The following PAK5 variants were observed in gnomAD, a reference collection of about 807,000 sequenced individuals.
PAK5 encodes the protein serine/threonine-protein kinase PAK 5.
A neutral mutation model predicts 65.9 loss-of-function variants in PAK5; 16 were observed. That is an observed-to-expected ratio of 0.24 (90% confidence interval 0.16 to 0.37). PAK5 has a LOEUF of 0.37. PAK5 is among the 10% of genes least tolerant of loss of function. The probability of loss-of-function intolerance (pLI) is 1.00; values close to 1 mark genes in which losing one functional copy is unlikely to be tolerated. For synonymous variants in PAK5, 371 were observed against 354.9 expected (o/e 1.05, Z -0.51); for missense variants, 785 against 903.9 (o/e 0.87, Z 1.69).
intron 7 of PAK5, among the ~76,000 whole-genome samples, chr20:9,552,005 A>G (rs1368866669): frequency 6.6e-6 from 1 of 152,210 alleles, no homozygotes; most frequent in Non-Finnish European, 1.5e-5. Context: ...AGATCTGGGC[A>G]GGGCACCAAC....
At chr20:9,569,571 G>T (rs1035086822) in intron 4 of PAK5, among the ~76,000 whole-genome samples, 1 of 152,132 alleles carries the variant, frequency 6.6e-6, no homozygotes, top group Non-Finnish European at 1.5e-5. Context: ...AGAAGGAAGG[G>T]CTAATGAATC....
chr20:9,837,206 C>T (rs1006974627), intron 1 of PAK5, among the ~76,000 whole-genome samples: 11 of 152,212 alleles, frequency 7.2e-5, no homozygotes, highest in African/African-American at 1.2e-4. Flanking sequence ...ATATTGCTTC[C>T]ATTTAGCAGT....
intron 2 of PAK5, among the ~76,000 whole-genome samples, chr20:9,659,187 A>G (rs2047310593): frequency 6.6e-6 from 1 of 152,206 alleles, no homozygotes; most frequent in Non-Finnish European, 1.5e-5. Flanking sequence ...TCTTCCATAA[A>G]TCATAACTGG....
intron 1 of PAK5, among the ~76,000 whole-genome samples, chr20:9,744,245 G>A (rs370665818): frequency 3.3e-5 from 5 of 152,178 alleles, no homozygotes; most frequent in African/African-American, 1.2e-4. Flanking sequence ...GAGGTAATTG[G>A]TTACAGTGGT....
At chr20:9,685,577 G>A (rs1052360225) in intron 2 of PAK5, among the ~76,000 whole-genome samples, 5 of 152,152 alleles carry the variant, frequency 3.3e-5, no homozygotes, top group African/African-American at 7.2e-5. Flanking sequence ...CAACCTTGCT[G>A]ACACCTTGAT....
At chr20:9,602,328 AAATAAAT>A (rs2046376118) in intron 3 of PAK5, among the ~76,000 whole-genome samples, 1 of 145,328 alleles carries the variant, frequency 6.9e-6, no homozygotes, top group Non-Finnish European at 1.5e-5. Flanking sequence ...ATAAATAAAT[AAATAAAT>A]AAATAAAATA....
chr20:9,673,388 C>T (rs1412201510), intron 2 of PAK5, among the ~76,000 whole-genome samples: 1 of 152,134 alleles, frequency 6.6e-6, no homozygotes, highest in Non-Finnish European at 1.5e-5. Flanking sequence ...GGACATGTGT[C>T]AGTATCTGTC....
intron 1 of PAK5, among the ~76,000 whole-genome samples, chr20:9,800,506 T>A (rs953428762): frequency 7.2e-5 from 11 of 152,138 alleles, no homozygotes; most frequent in Admixed American, 4.6e-4. Context: ...TAGTTCTCAA[T>A]ATTCTTACAG....
At chr20:9,624,322 C>T (rs2046812387) in intron 3 of PAK5, among the ~76,000 whole-genome samples, 3 of 152,108 alleles carry the variant, frequency 2.0e-5, no homozygotes, top group Admixed American at 2.0e-4. Context: ...CTCAGTTTCA[C>T]ATCTCAGCAA....
intron 2 of PAK5, among the ~76,000 whole-genome samples, chr20:9,694,851 G>A (rs1374498662): frequency 6.6e-6 from 1 of 151,992 alleles, no homozygotes; most frequent in Non-Finnish European, 1.5e-5. Context: ...AATGCTGCCT[G>A]AATGTTCAAG....
intron 3 of PAK5, among the ~76,000 whole-genome samples, chr20:9,606,177 T>C (rs1282600597): frequency 6.6e-6 from 1 of 152,166 alleles, no homozygotes; most frequent in Non-Finnish European, 1.5e-5. Flanking sequence ...ATTCTCATGA[T>C]AATGAGTGAG....
chr20:9,573,894 C>T (rs2045838200), intron 4 of PAK5, among the ~76,000 whole-genome samples: 1 of 152,070 alleles, frequency 6.6e-6, no homozygotes, highest in Non-Finnish European at 1.5e-5. Context: ...CTTTTCAGAG[C>T]ACAATAAAAC....
chr20:9,834,593 C>A (rs1214464760), intron 1 of PAK5, among the ~76,000 whole-genome samples: 1 of 151,972 alleles, frequency 6.6e-6, no homozygotes, highest in Non-Finnish European at 1.5e-5. Flanking sequence ...CCCAGATAAG[C>A]ACACATTTCC....
intron 3 of PAK5, among the ~76,000 whole-genome samples, chr20:9,641,689 T>G (rs2123265944): frequency 6.6e-6 from 1 of 151,792 alleles, no homozygotes; most frequent in South Asian, 2.1e-4. Flanking sequence ...ATGGAGTGGG[T>G]GGGAGGCTCA....
At chr20:9,600,381 A>G (rs1449537744) in intron 3 of PAK5, among the ~76,000 whole-genome samples, 1 of 152,190 alleles carries the variant, frequency 6.6e-6, no homozygotes. Context: ...TATTTCTGTA[A>G]AAAACACTGT....
intron 9 of PAK5, 27 bp downstream of exon 9, chr20:9,542,559 A>G (rs2045282404): frequency 6.2e-7 from 1 of 1,613,482 alleles, no homozygotes; most frequent in African/African-American, 1.3e-5. Context: ...ACTATTCTGA[A>G]CTTTAGCAAC....
Position 9,699,170 on chromosome 20 carries a change from A to G in PAK5, c.-12+12116T>C, listed in dbSNP as rs568981630. Among the ~76,000 whole-genome samples the G allele has an allele frequency of 2.7e-3, 408 of 152,200 alleles. 2 individuals are homozygous for G. Among genetic ancestry groups the G allele is most frequent in the Non-Finnish European group, 4.1e-3 (278 of 67,992 alleles). On this transcript the variant is annotated intron_variant, in intron 2 of 9. Coordinates refer to ENST00000353224, the MANE Select transcript of PAK5 (RefSeq NM_177990.4). Reference sequence around the variant, plus strand: ...CTATCAGCTGCAATAAGCCACCACTATTTACAGGTTGTTTGAAATACACAG... The same window carrying G: ...CTATCAGCTGCAATAAGCCACCACTGTTTACAGGTTGTTTGAAATACACAG...
At chr20:9,588,399 C>T (rs2046107440) in intron 3 of PAK5, among the ~76,000 whole-genome samples, 1 of 152,162 alleles carries the variant, frequency 6.6e-6, no homozygotes, top group African/African-American at 2.4e-5. Flanking sequence ...ATAAAGCACA[C>T]ACTCTTCCGT....
At chr20:9,615,262 C>T (rs219858) in intron 3 of PAK5, among the ~76,000 whole-genome samples, 80,719 of 151,942 alleles carry the variant, frequency 0.53, 22,437 homozygotes, top group East Asian at 0.84. Flanking sequence ...AGCTCAGACA[C>T]TTGTCAAAAC....
Sources: gnomAD v4.1 joint callset for allele counts (sites outside exome capture counted in the v4.1 genomes callset) on GRCh38, gnomAD v4.1.1 for gene constraint, MANE v1.5 for transcripts, NCBI Gene and HGNC (gene_info 2026-07-23, HGNC 2026-07-21) for gene names.